Variants in HHLA2 observed in about 807,000 individuals in gnomAD.
HHLA2 encodes the protein HHLA2 member of B7 family, also known as HERV-H LTR-associating protein 2.
In HHLA2, 48 loss-of-function variants were observed where a neutral mutation model predicts 45.9. That is an observed-to-expected ratio of 1.05 (90% confidence interval 0.83 to 1.33). The LOEUF (loss-of-function observed/expected upper bound fraction) is 1.33. Among genes scored for constraint, HHLA2 ranks in the 40% most tolerant of loss-of-function variants. The probability of loss-of-function intolerance (pLI) is 0.00; values close to 1 mark genes in which losing one functional copy is unlikely to be tolerated. For missense variants in HHLA2, 462 were observed against 494.3 expected, an observed-to-expected ratio of 0.93 and a Z score of 0.62; for synonymous variants, 161 against 173.9, an observed-to-expected ratio of 0.93 and a Z score of 0.59.
chr3:108,328,879 T>C lies in HHLA2; in HGVS notation c.-27+532T>C, dbSNP rs566737425. On this transcript the variant is annotated intron_variant, in intron 3 of 10. Coordinates refer to ENST00000619531, the Ensembl canonical transcript of HHLA2. ...AGTTCAGAATTGGGAGGAGGCGGAATTGTGGATTAAGTATGGGGTCTCTAA... is the reference window on the plus strand; with the variant it reads ...AGTTCAGAATTGGGAGGAGGCGGAACTGTGGATTAAGTATGGGGTCTCTAA... 5.9e-5 allele frequency among the ~76,000 whole-genome samples: 9 copies of C among 152,204 alleles called. No individual in the cohort carries two copies. The South Asian group carries it at 1.5e-3, about 25-fold the overall frequency.
At chr3:108,371,329 C>A (rs970568929) in intron 8 of HHLA2, among the ~76,000 whole-genome samples, 19 of 152,068 alleles carry the variant, frequency 1.2e-4, no homozygotes, top group Admixed American at 7.2e-4. Context: ...GAAGAAAGCA[C>A]TAAACATGGA....
At chr3:108,307,354 G>T (rs1203755944) in intron 1 of HHLA2, among the ~76,000 whole-genome samples, 1 of 152,008 alleles carries the variant, frequency 6.6e-6, no homozygotes, top group Non-Finnish European at 1.5e-5. Context: ...AGTTCTTGTT[G>T]GCCAGGCGTG....
intron 2 of HHLA2, among the ~76,000 whole-genome samples, chr3:108,324,714 A>G (rs1485427888): frequency 6.6e-6 from 1 of 152,214 alleles, no homozygotes; most frequent in Non-Finnish European, 1.5e-5. Context: ...ATGTCAGGTA[A>G]TTCAAATCAT....
intron 3 of HHLA2, among the ~76,000 whole-genome samples, chr3:108,338,060 T>G (rs1225505309): frequency 1.3e-5 from 2 of 151,998 alleles, no homozygotes; most frequent in African/African-American, 4.8e-5. Flanking sequence ...TATATAAGTG[T>G]ATGTACAAAC....
intron 1 of HHLA2, among the ~76,000 whole-genome samples, chr3:108,305,454 G>A (rs2080914425): frequency 6.6e-6 from 1 of 152,192 alleles, no homozygotes; most frequent in South Asian, 2.1e-4. Context: ...AGAAGATGGG[G>A]GGATTCATCT....
chr3:108,354,620 C>T (rs1397795821), intron 5 of HHLA2, among the ~76,000 whole-genome samples: 2 of 152,070 alleles, frequency 1.3e-5, no homozygotes, highest in African/African-American at 4.8e-5. Flanking sequence ...CACACACACA[C>T]ATACATGCAG....
intron 1 of HHLA2, among the ~76,000 whole-genome samples, chr3:108,304,148 T>A (rs1251684918): frequency 6.6e-6 from 1 of 152,168 alleles, no homozygotes; most frequent in Admixed American, 6.6e-5. Context: ...CCCATTGTCA[T>A]GTCAACGCCA....
intron 4 of HHLA2, among the ~76,000 whole-genome samples, 192 bp downstream of exon 3, chr3:108,352,069 C>T (rs1005887013): frequency 6.6e-6 from 1 of 152,058 alleles, no homozygotes; most frequent in African/African-American, 2.4e-5. Context: ...TTTCTGTCCA[C>T]TCTGATTAAG....
At chr3:108,302,919 A>C (rs1165695155) in intron 1 of HHLA2, 1 of 152,182 alleles carries the variant, frequency 6.6e-6, no homozygotes, top group Admixed American at 6.5e-5. Flanking sequence ...GGAAATTTAA[A>C]AAAAATCCTG....
At chr3:108,322,191 G>T (rs1451332168) in intron 2 of HHLA2, among the ~76,000 whole-genome samples, 1 of 152,168 alleles carries the variant, frequency 6.6e-6, no homozygotes, top group Non-Finnish European at 1.5e-5. Context: ...CTAAGAGCTC[G>T]GACTGTGGGC....
chr3:108,343,082 C>G (rs9810815), intron 3 of HHLA2, among the ~76,000 whole-genome samples: 131,634 of 152,190 alleles, frequency 0.86, 58,421 homozygotes, highest in Non-Finnish European at 0.93. Flanking sequence ...TTAATGGCAG[C>G]AAGGATGTTA....
At chr3:108,378,086 G>A (rs1576194940) in exon 11 of HHLA2, 1 of 151,978 alleles carries the variant, frequency 6.6e-6, no homozygotes, top group East Asian at 1.9e-4. Flanking sequence ...CCACCCTTAA[G>A]AAGGTTCTTT....
At chr3:108,319,953 G>C (rs184801262) in intron 2 of HHLA2, among the ~76,000 whole-genome samples, 1 of 152,234 alleles carries the variant, frequency 6.6e-6, no homozygotes, top group East Asian at 1.9e-4. Flanking sequence ...ATGCATATTT[G>C]AAATAAATTT....
At chr3:108,304,442 T>A (rs890909831) in intron 1 of HHLA2, among the ~76,000 whole-genome samples, 1 of 152,192 alleles carries the variant, frequency 6.6e-6, no homozygotes, top group African/African-American at 2.4e-5. Context: ...TGTGTCAATA[T>A]AAGTTCAGTC....
chr3:108,372,942 C>T (rs2082206053), intron 8 of HHLA2, among the ~76,000 whole-genome samples: 1 of 151,554 alleles, frequency 6.6e-6, no homozygotes, highest in South Asian at 2.1e-4. Flanking sequence ...CTATTCCAAT[C>T]AACACAAAAA....
intron 2 of HHLA2, 74 bp downstream of exon 2, chr3:108,310,815 T>G (rs2081005842): frequency 6.6e-6 from 1 of 152,644 alleles, no homozygotes; most frequent in South Asian, 2.1e-4. Context: ...ATACAACATT[T>G]AAAAGACATA....
chr3:108,321,438 T>C (rs1028935891), intron 2 of HHLA2, among the ~76,000 whole-genome samples: 1 of 152,192 alleles, frequency 6.6e-6, no homozygotes, highest in African/African-American at 2.4e-5. Context: ...AGTTTGACCA[T>C]ACTTGCAAGT....
chr3:108,343,442 G>A (rs140412055), intron 3 of HHLA2, among the ~76,000 whole-genome samples: 102 of 152,284 alleles, frequency 6.7e-4, no homozygotes, highest in African/African-American at 2.3e-3. Flanking sequence ...GTTAGCAACC[G>A]CTTTAAATTC....
intron 8 of HHLA2, among the ~76,000 whole-genome samples, chr3:108,375,031 G>A (rs1260371918): frequency 2.0e-5 from 3 of 149,240 alleles, no homozygotes; most frequent in Admixed American, 2.0e-4. Flanking sequence ...ACATGCACAC[G>A]TATGTTTATT....
Sources: allele counts gnomAD v4.1 joint callset (sites outside exome capture counted in the v4.1 genomes callset), GRCh38; gene constraint gnomAD v4.1.1; transcripts MANE v1.5; gene names NCBI Gene and HGNC (gene_info 2026-07-23, HGNC 2026-07-21).